The following ZNF423 variants were observed in gnomAD, a reference collection of about 807,000 sequenced individuals.
ZNF423 encodes zinc finger protein 423.
A neutral mutation model predicts 95.8 loss-of-function variants in ZNF423; 12 were observed. The ratio of observed to expected loss-of-function variants is 0.13; its 90% CI spans 0.08 to 0.20. The LOEUF (loss-of-function observed/expected upper bound fraction) is 0.20, where lower values mean the gene tolerates loss of function less well. Among genes scored for constraint, ZNF423 ranks in the 10% least tolerant of loss-of-function variants. ZNF423 has a pLI of 1.00. For missense variants in ZNF423, 1,316 were observed against 1,737.1 expected, an observed-to-expected ratio of 0.76 and a Z score of 4.31; for synonymous variants, 749 against 711.9, an observed-to-expected ratio of 1.05 and a Z score of -0.83.
At chr16:49,497,106 C>T (rs1247017014) in intron 7 of ZNF423, among the ~76,000 whole-genome samples, 1 of 152,192 alleles carries the variant, frequency 6.6e-6, no homozygotes, top group African/African-American at 2.4e-5. Context: ...TCCTCCCCAC[C>T]CTCAGGAACA....
chr16:49,592,268 T>C (rs1031891917), intron 5 of ZNF423, among the ~76,000 whole-genome samples: 1 of 152,212 alleles, frequency 6.6e-6, no homozygotes, highest in Non-Finnish European at 1.5e-5. Flanking sequence ...AAGGGTGATT[T>C]CTATCTCTTT....
intron 2 of ZNF423, among the ~76,000 whole-genome samples, chr16:49,737,745 C>T (rs974271238): frequency 1.3e-5 from 2 of 152,224 alleles, no homozygotes; most frequent in Admixed American, 6.5e-5. Context: ...AGCAGGGCTT[C>T]GCAAGGTCAT....
chr16:49,837,946 C>T (rs904101174), intron 1 of ZNF423, among the ~76,000 whole-genome samples: 9 of 152,198 alleles, frequency 5.9e-5, no homozygotes, highest in Non-Finnish European at 1.2e-4. Context: ...AATTACAATC[C>T]GGGGAGCTGC....
intron 3 of ZNF423, among the ~76,000 whole-genome samples, chr16:49,699,160 TGGAAGCACCCAGG>T (rs1294019737): frequency 6.6e-6 from 1 of 152,036 alleles, no homozygotes; most frequent in Non-Finnish European, 1.5e-5. Flanking sequence ...AAGGGAAAAA[TGGAAGCACCCAGG>T]GGAGCTGGGC....
rs533327378 is a variant in ZNF423, at chr16:49,849,727, C to T, written c.40+6008G>A. Among the ~76,000 whole-genome samples, 13 of 152,262 alleles carry T rather than the reference C, an allele frequency of 8.5e-5. No individual in the cohort carries two copies. In the East Asian group the frequency reaches 2.5e-3, roughly 29 times the overall value. ...AAAGAAAACGAAACAACAACCACAACAACAAAGGGAAATTATATCTTTAAA... is the reference window on the plus strand; with the variant it reads ...AAAGAAAACGAAACAACAACCACAATAACAAAGGGAAATTATATCTTTAAA... On this transcript the variant is annotated intron_variant, in intron 1 of 7. Coordinates refer to ENST00000563137, the MANE Select transcript of ZNF423 (RefSeq NM_001379286.1).
At chr16:49,600,587 GCC>G (rs1212595077) in intron 5 of ZNF423, among the ~76,000 whole-genome samples, 3 of 152,056 alleles carry the variant, frequency 2.0e-5, no homozygotes, top group Admixed American at 1.3e-4. Flanking sequence ...GACAGGAAGG[GCC>G]CCCACAGCAG....
At chr16:49,809,469 T>A (rs1197585376) in intron 1 of ZNF423, among the ~76,000 whole-genome samples, 1 of 152,140 alleles carries the variant, frequency 6.6e-6, no homozygotes, top group Non-Finnish European at 1.5e-5. Flanking sequence ...AAGCCTTGTG[T>A]TCCACTACAC....
chr16:49,815,881 A>AAAAATATATAT (rs1185501557), intron 1 of ZNF423, among the ~76,000 whole-genome samples: 3 of 47,586 alleles, frequency 6.3e-5, no homozygotes, highest in African/African-American at 3.0e-4. Context: ...AAAAAAAAAA[A>AAAAATATATAT]ATATATATAT....
intron 3 of ZNF423, among the ~76,000 whole-genome samples, chr16:49,648,651 CA>C (rs540618278): frequency 1.5e-4 from 17 of 116,766 alleles, no homozygotes; most frequent in Admixed American, 2.6e-4. Context: ...GACTCCATCT[CA>C]AAAAAAAAAG....
intron 5 of ZNF423, among the ~76,000 whole-genome samples, chr16:49,560,772 C>G (rs1467542237): frequency 1.3e-5 from 2 of 152,160 alleles, no homozygotes; most frequent in Admixed American, 1.3e-4. Flanking sequence ...GGATAAAAAC[C>G]GAGGCGAGTC....
chr16:49,551,523 C>T (rs1298817740), intron 5 of ZNF423, among the ~76,000 whole-genome samples: 1 of 152,186 alleles, frequency 6.6e-6, no homozygotes, highest in African/African-American at 2.4e-5. Context: ...TATTCAGTGA[C>T]ACTCCCAGGA....
intron 1 of ZNF423, among the ~76,000 whole-genome samples, chr16:49,834,739 G>T (rs1298922118): frequency 1.3e-5 from 2 of 152,150 alleles, no homozygotes; most frequent in Non-Finnish European, 2.9e-5. Flanking sequence ...CAGTCCCTGG[G>T]GCCGGGCCGG....
At chr16:49,557,521 G>A (rs1396254865) in intron 5 of ZNF423, among the ~76,000 whole-genome samples, 1 of 152,226 alleles carries the variant, frequency 6.6e-6, no homozygotes, top group African/African-American at 2.4e-5. Flanking sequence ...ACCCCAGGGG[G>A]TGGTGGTGGG....
intron 2 of ZNF423, among the ~76,000 whole-genome samples, chr16:49,773,692 A>G (rs2034074295): frequency 6.6e-6 from 1 of 152,252 alleles, no homozygotes; most frequent in Non-Finnish European, 1.5e-5. Flanking sequence ...TCTGTGCTAT[A>G]GTGCAGCTCT....
rs1398312127 is a variant in ZNF423 at position 49,523,728 on chromosome 16, C to G, written c.3745G>C (p.Ala1249Pro). Reference protein sequence around the residue: ...CPVCFTVFVQANKLQQHIFAV... With the variant: ...CPVCFTVFVQPNKLQQHIFAV... ...AAGATGTGCTGCTGCAACTTGTTGG[C>G]CTGGACGAAGACTAGACACAGACAC... The change falls in exon 7 of 8, where the codon GCC (alanine) becomes CCC (proline). Residue 1249 changes from alanine (A) to proline (P), a missense_variant. Ala to Pro is a conservative substitution (Grantham distance 27). This residue lies in a region of ZNF423 where 75 missense variants were observed against 163.5 expected (regional missense o/e 0.46). Transcript: ENST00000563137. The G allele has an allele frequency of 6.2e-7, 1 of 1,613,386 alleles. No individual in the cohort carries two copies. Among genetic ancestry groups the G allele is most frequent in the Non-Finnish European group, 8.5e-7 (1 of 1,180,006 alleles).
intron 1 of ZNF423, among the ~76,000 whole-genome samples, chr16:49,802,476 CA>C (rs1415020018): frequency 6.6e-6 from 1 of 152,174 alleles, no homozygotes; most frequent in Non-Finnish European, 1.5e-5. Context: ...CCACTTTCTG[CA>C]GTGTAAATGC....
intron 2 of ZNF423, among the ~76,000 whole-genome samples, chr16:49,782,413 G>A (rs554050234): frequency 3.9e-5 from 6 of 152,342 alleles, no homozygotes; most frequent in Admixed American, 2.6e-4. Context: ...GAAGCACCTC[G>A]TAAATGGGAG....
intron 3 of ZNF423, among the ~76,000 whole-genome samples, chr16:49,646,327 T>A (rs1290668384): frequency 6.6e-6 from 1 of 152,172 alleles, no homozygotes; most frequent in Non-Finnish European, 1.5e-5. Flanking sequence ...CTGGGCATAT[T>A]CCTGATCACT....
intron 3 of ZNF423, among the ~76,000 whole-genome samples, chr16:49,691,256 T>A (rs924712714): frequency 6.6e-6 from 1 of 152,226 alleles, no homozygotes; most frequent in Non-Finnish European, 1.5e-5. Flanking sequence ...CCCTCCCAGT[T>A]GGGAGGATGC....
Sources: allele counts gnomAD v4.1 joint callset (sites outside exome capture counted in the v4.1 genomes callset), GRCh38; gene constraint gnomAD v4.1.1; regional missense constraint gnomAD v4.1.1; transcripts MANE v1.5; gene names NCBI Gene and HGNC (gene_info 2026-07-23, HGNC 2026-07-21).